MAP4K3: variants seen among roughly 807,000 people sequenced by gnomAD.
MAP4K3 encodes the protein MAPK/ERK kinase kinase kinase 3.
Under a neutral mutation model 143.5 loss-of-function variants are expected in MAP4K3, and 94 were observed. The observed-to-expected ratio is 0.65, with a 90% confidence interval of 0.55 to 0.78. The LOEUF is 0.78. Among genes scored for constraint, MAP4K3 ranks in the 30% least tolerant of loss-of-function variants. The pLI is 0.00. For synonymous variants in MAP4K3, 416 were observed against 347.2 expected (o/e 1.20, Z -2.20); for missense variants, 1,077 against 1,068.1 (o/e 1.01, Z -0.12).
chr2:39,361,880 A>G (rs1665781445), intron 2 of MAP4K3, among the ~76,000 whole-genome samples: 1 of 152,086 alleles, frequency 6.6e-6, no homozygotes, highest in African/African-American at 2.4e-5. Flanking sequence ...AGTCATGAAG[A>G]TGTTAAACAT....
intron 16 of MAP4K3, among the ~76,000 whole-genome samples, chr2:39,299,273 G>C (rs1682413357): frequency 6.6e-6 from 1 of 152,094 alleles, no homozygotes; most frequent in Admixed American, 6.6e-5. Context: ...TTACTGCATA[G>C]ATTGGTAACT....
rs1246762835 is a variant in MAP4K3 at position 39,288,133 on chromosome 2, G to T, written c.1462C>A (p.Pro488Thr). 6.2e-7 allele frequency: 1 copy of T among 1,614,042 alleles called. No individual in the cohort carries two copies. The highest frequency in any genetic ancestry group is 2.2e-5 in the East Asian group (1 of 44,870). Residue 488 changes from proline (P) to threonine (T), a missense_variant, in exon 20 of 34, where the codon CCT becomes ACT. Coordinates refer to ENST00000263881, the MANE Select transcript of MAP4K3 (RefSeq NM_003618.4). ...PPPPRLPPHKPVALGNGMSSF... is the reference protein window; with the variant it reads ...PPPPRLPPHKTVALGNGMSSF... Reference sequence around the variant, plus strand: ...CCTCCACCATTACCTAAGGCAACAGGTTTGTGTGGGGGTAATCTGGGAGGT... The same window carrying T: ...CCTCCACCATTACCTAAGGCAACAGTTTTGTGTGGGGGTAATCTGGGAGGT...
chr2:39,327,845 T>C (rs1022789682), intron 8 of MAP4K3, among the ~76,000 whole-genome samples: 1 of 151,644 alleles, frequency 6.6e-6, no homozygotes, highest in Admixed American at 6.5e-5. Context: ...TGCCTCCCCT[T>C]ACTAGTTCAC....
In MAP4K3 at chr2:39,333,533, C is replaced by A. The variant is rs1256844586; in HGVS notation, c.456G>T (p.Leu152Phe). 6.2e-7 allele frequency: 1 copy of A among 1,605,042 alleles called. No homozygotes were observed. The highest frequency in any genetic ancestry group is 8.5e-7 in the Non-Finnish European group (1 of 1,172,700). ...ILLTDNGHVK[L>F]ADFGVSAQIT... ...GTGACAAAATTCCAATTTACTTACC[C>A]AATTTCACATGACCATTATCCGTTA... The change falls in exon 7 of 34, where the codon TTG becomes TTT. Residue 152 changes from leucine (L) to phenylalanine (F), a missense_variant and splice_region_variant. Physicochemically the swap from Leu to Phe is conservative, Grantham distance 22. Around this residue, in one of 2 missense-constraint regions of MAP4K3, gnomAD observed 213 missense variants for 266.8 expected, o/e 0.80. Transcript: ENST00000263881.
intron 1 of MAP4K3, among the ~76,000 whole-genome samples, chr2:39,417,295 C>A (rs1165710046): frequency 6.6e-6 from 1 of 151,412 alleles, no homozygotes; most frequent in African/African-American, 2.4e-5. Flanking sequence ...TCTCGGCTCA[C>A]TGCAAGCTCC....
chr2:39,423,569 ATAT>A (rs776603225), intron 1 of MAP4K3, among the ~76,000 whole-genome samples: 1 of 152,228 alleles, frequency 6.6e-6, no homozygotes, highest in Non-Finnish European at 1.5e-5. Context: ...ATACAATGAG[ATAT>A]TATTCAGTAA....
intron 5 of MAP4K3, 66 bp downstream of exon 5, chr2:39,337,459 GT>G: frequency 8.8e-7 from 1 of 1,137,386 alleles, no homozygotes; most frequent in Non-Finnish European, 1.3e-6. Context: ...TGCTGAACAG[GT>G]AATGCACAGT....
chr2:39,420,626 T>C (rs1667519608), intron 1 of MAP4K3, among the ~76,000 whole-genome samples: 1 of 151,806 alleles, frequency 6.6e-6, no homozygotes, highest in African/African-American at 2.4e-5. Context: ...TTGTCCAGGC[T>C]GGTCTCGAAC....
intron 1 of MAP4K3, among the ~76,000 whole-genome samples, chr2:39,434,089 C>G (rs1266886888): frequency 6.6e-6 from 1 of 152,104 alleles, no homozygotes; most frequent in Non-Finnish European, 1.5e-5. Context: ...AAAACATTTT[C>G]AAAATAAAAA....
intron 24 of MAP4K3, among the ~76,000 whole-genome samples, chr2:39,277,722 G>A (rs900935330): frequency 6.6e-6 from 1 of 151,918 alleles, no homozygotes; most frequent in African/African-American, 2.4e-5. Context: ...AGGCCACCAT[G>A]CCCAGCTAAT....
intron 7 of MAP4K3, 96 bp downstream of exon 7, chr2:39,333,436 T>G: frequency 3.3e-6 from 3 of 905,022 alleles, no homozygotes; most frequent in Non-Finnish European, 5.4e-6. Context: ...AGATGCCGTC[T>G]TAGGAGAGGG....
intron 12 of MAP4K3, 141 bp from the exon 13 acceptor site, chr2:39,315,529 T>TA (rs199541184): frequency 4.6e-6 from 2 of 437,138 alleles, no homozygotes; most frequent in East Asian, 4.0e-5. Context: ...TTTTTTTTTT[T>TA]AAAAAAGCAA....
At chr2:39,342,131 A>ATTG (rs1197951450) in intron 4 of MAP4K3, among the ~76,000 whole-genome samples, 2 of 148,156 alleles carry the variant, frequency 1.3e-5, no homozygotes, top group Admixed American at 1.4e-4. Flanking sequence ...TATTATTATT[A>ATTG]TTATTATTAT....
Position 39,254,501 on chromosome 2 carries a change from C to G in MAP4K3, c.2490G>C (p.Val830=). Residue 830 remains valine (V), a synonymous_variant, in exon 32 of 34, where the codon GTG becomes GTC. Transcript: ENST00000263881. ...IESIVCLQDS[V]LAFWKHGMQG... ...GCATTCCATGTTTCCAGAAAGCTAG[C>G]ACACTGTCTTGTAGGCACACTAGCA... The G allele has an allele frequency of 2.5e-6, 4 of 1,613,818 alleles. No individual in the cohort carries two copies. Among genetic ancestry groups the G allele is most frequent in the Non-Finnish European group, 3.4e-6 (4 of 1,179,840 alleles).
chr2:39,292,102 A>G (rs888055346), intron 18 of MAP4K3, among the ~76,000 whole-genome samples: 1 of 152,156 alleles, frequency 6.6e-6, no homozygotes, highest in Admixed American at 6.5e-5. Flanking sequence ...TTAAAACTAT[A>G]TATTTACATC....
intron 1 of MAP4K3, among the ~76,000 whole-genome samples, chr2:39,410,308 G>A (rs757979421): frequency 1.8e-4 from 28 of 152,176 alleles, no homozygotes; most frequent in Non-Finnish European, 4.0e-4. Context: ...CAAGAATTTG[G>A]AGTTCCCTGT....
intron 1 of MAP4K3, among the ~76,000 whole-genome samples, chr2:39,399,214 T>C (rs1666890508): frequency 6.6e-6 from 1 of 152,226 alleles, no homozygotes; most frequent in Admixed American, 6.5e-5. Context: ...TTGTTTACCT[T>C]GTTCAAGCTA....
chr2:39,372,266 T>A (rs1340773071), intron 2 of MAP4K3, among the ~76,000 whole-genome samples: 1 of 150,906 alleles, frequency 6.6e-6, no homozygotes, highest in East Asian at 1.9e-4. Flanking sequence ...CATAAAACAT[T>A]GATGTAAGAA....
intron 16 of MAP4K3, among the ~76,000 whole-genome samples, chr2:39,296,589 A>AT (rs1682291544): frequency 6.6e-6 from 1 of 152,240 alleles, no homozygotes; most frequent in Non-Finnish European, 1.5e-5. Context: ...AATACTCAGC[A>AT]TATTTGCATT....
Sources: gnomAD v4.1 joint callset for allele counts (sites outside exome capture counted in the v4.1 genomes callset) on GRCh38, gnomAD v4.1.1 for gene constraint, gnomAD v4.1.1 regional missense constraint, MANE v1.5 for transcripts, NCBI Gene and HGNC (gene_info 2026-07-23, HGNC 2026-07-21) for gene names.